The following PITPNC1 variants were observed in gnomAD, a reference collection of about 807,000 sequenced individuals.
PITPNC1 encodes cytoplasmic phosphatidylinositol transfer protein 1.
Under a neutral mutation model 44.7 loss-of-function variants are expected in PITPNC1, and 18 were observed. That is an observed-to-expected ratio of 0.40 (90% confidence interval 0.28 to 0.60). The LOEUF is 0.60. Among genes scored for constraint, PITPNC1 ranks in the 20% least tolerant of loss-of-function variants. PITPNC1 has a pLI of 0.39. For missense variants in PITPNC1, 290 were observed against 418.4 expected (o/e 0.69, Z 2.68); for synonymous variants, 141 against 149.6 (o/e 0.94, Z 0.42).
chr17:67,425,189 GCGCGCA>G lies in PITPNC1; in HGVS notation c.48+46991_48+46996del, dbSNP rs1202542632. On this transcript the variant is annotated intron_variant, in intron 1 of 8. Coordinates refer to ENST00000581322, the MANE Select transcript of PITPNC1 (RefSeq NM_012417.4). ...GGTGAAATAAACAGCCATGTTGTGC[GCGCGCA>G]CGCACACGCACACACACACACACAC... is the stretch of plus-strand genomic sequence containing the variant. Among the ~76,000 whole-genome samples the G allele has an allele frequency of 1.8e-3, 76 of 41,602 alleles. 1 individual carries two copies. The highest frequency in any genetic ancestry group is 0.013 in the Admixed American group (61 of 4,608). The allele number at this position is 41,602 out of a possible 152,430, so 27.3% of individuals were successfully genotyped here. A position where few individuals can be genotyped will look rare whatever the true frequency, so the allele number is the denominator to read the frequency against.
At chr17:67,543,810 G>A (rs961460255) in intron 2 of PITPNC1, among the ~76,000 whole-genome samples, 1 of 152,102 alleles carries the variant, frequency 6.6e-6, no homozygotes, top group African/African-American at 2.4e-5. Context: ...TTTGGTATAT[G>A]AGTACTAATG....
Position 67,593,296 on chromosome 17 carries a change from C to CTT in PITPNC1, c.366+15052_366+15053dup, listed in dbSNP as rs922424785. On this transcript the variant is annotated intron_variant, in intron 5 of 8. Transcript: ENST00000581322. The stretch of plus-strand genomic sequence containing the variant: ...TTCAACTATAAGTGTGAAATTTTCT[C>CTT]TTTTTTTTTTTTTTAAGTAGGGACA... 2.1e-3 allele frequency among the ~76,000 whole-genome samples: 289 copies of CTT among 138,284 alleles called. 2 individuals carry two copies. Among genetic ancestry groups the CTT allele is most frequent in the African/African-American group, 7.2e-3 (273 of 37,748 alleles). 90.7% of individuals were successfully genotyped at this position (138,284 alleles called of 152,430 possible).
intron 1 of PITPNC1, among the ~76,000 whole-genome samples, chr17:67,420,462 C>A (rs555960756): frequency 7.0e-6 from 1 of 142,584 alleles, no homozygotes; most frequent in Admixed American, 7.5e-5. Context: ...TTTCTTGAGT[C>A]TTTCTCTGTT....
chr17:67,460,230 T>A (rs554873314), intron 1 of PITPNC1, among the ~76,000 whole-genome samples: 2 of 152,302 alleles, frequency 1.3e-5, no homozygotes, highest in South Asian at 4.1e-4. Flanking sequence ...GGATTGCCAT[T>A]GTTCCTTAGA....
At chr17:67,547,167 G>C (rs2040695792) in intron 2 of PITPNC1, among the ~76,000 whole-genome samples, 1 of 152,184 alleles carries the variant, frequency 6.6e-6, no homozygotes, top group African/African-American at 2.4e-5. Flanking sequence ...GCAGGTTTTA[G>C]GTACGCTGTT....
At chr17:67,673,308 T>C (rs1187976325) in intron 7 of PITPNC1, among the ~76,000 whole-genome samples, 1 of 152,198 alleles carries the variant, frequency 6.6e-6, no homozygotes, top group Non-Finnish European at 1.5e-5. Flanking sequence ...ACAGGGATAC[T>C]GTGAGTATCC....
At chr17:67,419,715 G>A (rs907806822) in intron 1 of PITPNC1, among the ~76,000 whole-genome samples, 1 of 152,190 alleles carries the variant, frequency 6.6e-6, no homozygotes, top group Non-Finnish European at 1.5e-5. Context: ...AGACCAGCTT[G>A]GCCAACATGG....
At chr17:67,433,316 G>A (rs868708988) in intron 1 of PITPNC1, among the ~76,000 whole-genome samples, 1 of 152,220 alleles carries the variant, frequency 6.6e-6, no homozygotes. Context: ...CGCGGGCTGC[G>A]GGAGCGAGCC....
intron 5 of PITPNC1, among the ~76,000 whole-genome samples, chr17:67,586,800 G>A (rs114022131): frequency 0.011 from 1,619 of 152,238 alleles, 27 homozygotes; most frequent in African/African-American, 0.037. Context: ...GTTGATTTAT[G>A]TTTTAAAATG....
At chr17:67,607,798 G>A (rs1310710957) in intron 5 of PITPNC1, among the ~76,000 whole-genome samples, 2 of 149,112 alleles carry the variant, frequency 1.3e-5, no homozygotes, top group African/African-American at 2.5e-5. Context: ...CTGTGACCTC[G>A]GCTCACTGCA....
intron 5 of PITPNC1, among the ~76,000 whole-genome samples, chr17:67,623,109 C>CAAAA (rs1198070826): frequency 2.9e-4 from 25 of 85,280 alleles, no homozygotes; most frequent in South Asian, 5.4e-4. Flanking sequence ...TCCCAAAAGC[C>CAAAA]AAAAAAAAAA....
At chr17:67,504,759 T>C (rs2040079351) in intron 1 of PITPNC1, among the ~76,000 whole-genome samples, 1 of 152,116 alleles carries the variant, frequency 6.6e-6, no homozygotes, top group African/African-American at 2.4e-5. Context: ...AGTTAATTAA[T>C]TTAGGTTAAT....
chr17:67,628,603 C>T (rs2041925060), intron 5 of PITPNC1, among the ~76,000 whole-genome samples: 1 of 152,174 alleles, frequency 6.6e-6, no homozygotes, highest in Non-Finnish European at 1.5e-5. Flanking sequence ...ACGAGGTTGA[C>T]CTGAGCCAGG....
intron 2 of PITPNC1, among the ~76,000 whole-genome samples, chr17:67,533,749 T>C (rs904191113): frequency 6.6e-6 from 1 of 152,164 alleles, no homozygotes; most frequent in African/African-American, 2.4e-5. Context: ...AGTGGACCCA[T>C]CCTTCCCAAG....
chr17:67,541,761 A>G (rs1260726391), intron 2 of PITPNC1, among the ~76,000 whole-genome samples: 2 of 152,236 alleles, frequency 1.3e-5, no homozygotes, highest in East Asian at 1.9e-4. Flanking sequence ...ACTTGAGTGT[A>G]TCATGGTGCC....
intron 5 of PITPNC1, among the ~76,000 whole-genome samples, chr17:67,595,175 G>A (rs968803244): frequency 6.6e-6 from 1 of 152,194 alleles, no homozygotes; most frequent in Non-Finnish European, 1.5e-5. Flanking sequence ...CATATCAAAT[G>A]TGAACACTGA....
intron 5 of PITPNC1, among the ~76,000 whole-genome samples, chr17:67,580,368 C>T (rs1472877847): frequency 6.6e-6 from 1 of 152,110 alleles, no homozygotes; most frequent in East Asian, 1.9e-4. Context: ...CTTTATAAGA[C>T]AGGGTCTCGC....
chr17:67,417,056 C>T (rs556961919), intron 1 of PITPNC1, among the ~76,000 whole-genome samples: 188 of 152,174 alleles, frequency 1.2e-3, no homozygotes, highest in African/African-American at 4.3e-3. Context: ...TCAGGTGATC[C>T]GACCGCCTCA....
At chr17:67,522,808 G>A (rs1308165265) in intron 1 of PITPNC1, among the ~76,000 whole-genome samples, 4 of 151,678 alleles carry the variant, frequency 2.6e-5, no homozygotes, top group South Asian at 2.1e-4. Context: ...GACTACAGGC[G>A]TGTGCCACCA....
Sources: allele counts gnomAD v4.1 joint callset (sites outside exome capture counted in the v4.1 genomes callset), GRCh38; gene constraint gnomAD v4.1.1; transcripts MANE v1.5; gene names NCBI Gene and HGNC (gene_info 2026-07-23, HGNC 2026-07-21).